The following FRMD4A variants were observed in gnomAD, a reference collection of about 807,000 sequenced individuals.
FRMD4A encodes FERM domain containing 4A, also known as FERM domain-containing protein 4A.
FRMD4A carries 29 observed loss-of-function variants against 129.1 expected under a neutral mutation model. That is an observed-to-expected ratio of 0.22 (90% CI 0.17 to 0.31). FRMD4A has a LOEUF of 0.31. Among genes scored for constraint, FRMD4A ranks in the 10% least tolerant of loss-of-function variants. FRMD4A has a pLI of 1.00. For missense variants in FRMD4A, 1,272 were observed against 1,375.8 expected (o/e 0.92, Z 1.19); for synonymous variants, 634 against 571.6 (o/e 1.11, Z -1.56).
chr10:13,657,853 T>C (rs2082307573), intron 21 of FRMD4A, among the ~76,000 whole-genome samples: 1 of 151,300 alleles, frequency 6.6e-6, no homozygotes, highest in African/African-American at 2.4e-5. Context: ...AGTATCATGT[T>C]AAACCAGATA....
intron 2 of FRMD4A, among the ~76,000 whole-genome samples, chr10:14,290,711 C>A (rs1384545971): frequency 2.0e-5 from 3 of 151,966 alleles, no homozygotes; most frequent in African/African-American, 7.2e-5. Context: ...GAACAAGCAA[C>A]AAAGGCAAAA....
chr10:13,823,916 C>A (rs917958576), intron 3 of FRMD4A, among the ~76,000 whole-genome samples: 1 of 152,148 alleles, frequency 6.6e-6, no homozygotes, highest in Non-Finnish European at 1.5e-5. Context: ...TCCAGTGTAA[C>A]GGACGGAAGG....
intron 4 of FRMD4A, among the ~76,000 whole-genome samples, chr10:13,797,937 C>T (rs2093158591): frequency 6.6e-6 from 1 of 151,926 alleles, no homozygotes. Context: ...AAAAAAATCC[C>T]CCTCCACAAA....
At chr10:14,132,968 GTTTTACGAAGAGGTAATCCTA>G (rs1268635455) in intron 2 of FRMD4A, among the ~76,000 whole-genome samples, 1 of 152,224 alleles carries the variant, frequency 6.6e-6, no homozygotes, top group Non-Finnish European at 1.5e-5. Flanking sequence ...CTGGTTCTCT[GTTTTACGAAGAGGTAATCCTA>G]TTTTATCCTC....
chr10:14,213,467 G>C (rs1842986734), intron 2 of FRMD4A, among the ~76,000 whole-genome samples: 1 of 152,176 alleles, frequency 6.6e-6, no homozygotes, highest in Non-Finnish European at 1.5e-5. Context: ...CACACAGACA[G>C]TCATCAGTAA....
chr10:13,901,806 C>G (rs983445082), intron 2 of FRMD4A, among the ~76,000 whole-genome samples: 15 of 152,082 alleles, frequency 9.9e-5, no homozygotes, highest in Non-Finnish European at 1.2e-4. Context: ...GGAGAACAGG[C>G]GAGTGAGCTT....
At chr10:14,141,681 C>A (rs568765291) in intron 2 of FRMD4A, among the ~76,000 whole-genome samples, 2 of 152,294 alleles carry the variant, frequency 1.3e-5, no homozygotes, top group East Asian at 1.9e-4. Context: ...TCCAGCCTCA[C>A]CCACTTCTCA....
At chr10:14,165,519 C>G (rs1453542807) in intron 2 of FRMD4A, among the ~76,000 whole-genome samples, 1 of 152,090 alleles carries the variant, frequency 6.6e-6, no homozygotes, top group Non-Finnish European at 1.5e-5. Context: ...TGAGCATATA[C>G]CCAAAGGAAA....
At chr10:14,249,807 C>T (rs1844374024) in intron 2 of FRMD4A, among the ~76,000 whole-genome samples, 2 of 152,082 alleles carry the variant, frequency 1.3e-5, no homozygotes. Flanking sequence ...TCACGAAATC[C>T]TAAGTGGAAA....
chr10:14,180,613 A>G (rs1044354122), intron 2 of FRMD4A, among the ~76,000 whole-genome samples: 3 of 152,200 alleles, frequency 2.0e-5, no homozygotes, highest in African/African-American at 4.8e-5. Context: ...TGAAAAACCA[A>G]TGCCTATTAC....
chr10:14,294,181 T>G (rs1158533700), intron 2 of FRMD4A, among the ~76,000 whole-genome samples: 3 of 152,210 alleles, frequency 2.0e-5, no homozygotes, highest in Admixed American at 6.5e-5. Flanking sequence ...TATATTGATG[T>G]TTATTTTATT....
At chr10:14,065,650 A>G (rs1449642168) in intron 2 of FRMD4A, among the ~76,000 whole-genome samples, 2 of 152,212 alleles carry the variant, frequency 1.3e-5, no homozygotes, top group East Asian at 3.8e-4. Context: ...AAACTAAAAT[A>G]TCGAGAAACA....
intron 3 of FRMD4A, among the ~76,000 whole-genome samples, chr10:13,828,899 G>A (rs2093746336): frequency 6.6e-6 from 1 of 152,154 alleles, no homozygotes; most frequent in African/African-American, 2.4e-5. Flanking sequence ...TTACTATTGT[G>A]AATAGTGCTG....
At chr10:13,985,408 A>C (rs1464366597) in intron 2 of FRMD4A, among the ~76,000 whole-genome samples, 1 of 152,124 alleles carries the variant, frequency 6.6e-6, no homozygotes, top group Admixed American at 6.5e-5. Flanking sequence ...GGGTGGTTTG[A>C]GGGGTTGGTG....
intron 2 of FRMD4A, among the ~76,000 whole-genome samples, chr10:14,285,174 C>T (rs928651004): frequency 1.3e-5 from 2 of 152,176 alleles, no homozygotes; most frequent in East Asian, 1.9e-4. Context: ...TAAGTGACAC[C>T]GCTTCCCAGC....
intron 15 of FRMD4A, among the ~76,000 whole-genome samples, chr10:13,677,734 C>G (rs1157621870): frequency 2.0e-5 from 3 of 152,238 alleles, no homozygotes; most frequent in Non-Finnish European, 1.5e-5. Context: ...GACTCTTAAT[C>G]TGGTTCTCTT....
intron 2 of FRMD4A, among the ~76,000 whole-genome samples, chr10:14,328,758 A>G (rs1213247841): frequency 6.6e-6 from 1 of 152,070 alleles, no homozygotes; most frequent in South Asian, 2.1e-4. Context: ...GCCAGCCATC[A>G]TCACGAATAC....
chr10:14,259,437 T>A (rs1564423164), intron 2 of FRMD4A, among the ~76,000 whole-genome samples: 2 of 152,172 alleles, frequency 1.3e-5, no homozygotes, highest in Admixed American at 6.5e-5. Context: ...AAAATGGCAT[T>A]TTTTCAATTT....
intron 13 of FRMD4A, among the ~76,000 whole-genome samples, chr10:13,703,010 C>CA (rs2087013080): frequency 6.6e-6 from 1 of 151,846 alleles, no homozygotes; most frequent in Non-Finnish European, 1.5e-5. Context: ...GATCCCTCGC[C>CA]AGTCTCTCTA....
Sources: allele counts gnomAD v4.1 joint callset (sites outside exome capture counted in the v4.1 genomes callset), GRCh38; gene constraint gnomAD v4.1.1; transcripts MANE v1.5; gene names NCBI Gene and HGNC (gene_info 2026-07-23, HGNC 2026-07-21).